The following MRPS28 variants were observed in gnomAD, a reference collection of about 807,000 sequenced individuals.
MRPS28 encodes small ribosomal subunit protein bS1m.
Under a neutral mutation model 10.8 loss-of-function variants are expected in MRPS28, and 7 were observed. The ratio of observed to expected loss-of-function variants is 0.65; its 90% CI spans 0.37 to 1.22. The LOEUF is 1.22. Among genes scored for constraint, MRPS28 ranks in the 50% most tolerant of loss-of-function variants. MRPS28 has a pLI of 0.02. For synonymous variants in MRPS28, 121 were observed against 93.3 expected (o/e 1.30, Z -1.71); for missense variants, 265 against 232.9 (o/e 1.14, Z -0.90).
intron 2 of MRPS28, among the ~76,000 whole-genome samples, chr8:79,978,285 A>C (rs1807854288): frequency 6.6e-6 from 1 of 152,232 alleles, no homozygotes; most frequent in South Asian, 2.1e-4. Flanking sequence ...ATTCTTTTAC[A>C]AAAGATTATT....
At chr8:79,958,782 A>G (rs1398227969) in intron 2 of MRPS28, among the ~76,000 whole-genome samples, 1 of 152,146 alleles carries the variant, frequency 6.6e-6, no homozygotes, top group Non-Finnish European at 1.5e-5. Flanking sequence ...AGTTTTTCTT[A>G]TGTCTTGTGA....
chr8:79,975,142 C>T (rs1807758857), intron 2 of MRPS28, among the ~76,000 whole-genome samples: 2 of 151,928 alleles, frequency 1.3e-5, no homozygotes, highest in East Asian at 1.9e-4. Flanking sequence ...GAAAAATGTA[C>T]AAAAATTAGC....
At chr8:79,934,573 T>G (rs1319567087) in intron 2 of MRPS28, among the ~76,000 whole-genome samples, 1 of 152,240 alleles carries the variant, frequency 6.6e-6, no homozygotes, top group Non-Finnish European at 1.5e-5. Flanking sequence ...TTGTTCTACT[T>G]CAAGTAAACT....
intron 2 of MRPS28, among the ~76,000 whole-genome samples, chr8:79,926,054 C>G (rs1810226822): frequency 1.3e-5 from 2 of 151,114 alleles, no homozygotes; most frequent in South Asian, 2.1e-4. Context: ...AACCCTGTCA[C>G]TTAACTACCA....
At chr8:79,940,597 G>T (rs1253472289) in intron 2 of MRPS28, among the ~76,000 whole-genome samples, 2 of 152,180 alleles carry the variant, frequency 1.3e-5, no homozygotes, top group Non-Finnish European at 2.9e-5. Context: ...ATCTGCAAAG[G>T]TGGCTTGTAG....
At chr8:79,957,393 G>T (rs1278091886) in intron 2 of MRPS28, 1 of 151,874 alleles carries the variant, frequency 6.6e-6, no homozygotes, top group Non-Finnish European at 1.5e-5. Context: ...ATTATAATCT[G>T]GTCATCTCTG....
intron 2 of MRPS28, among the ~76,000 whole-genome samples, chr8:79,966,133 G>A (rs1428923145): frequency 6.6e-6 from 1 of 151,924 alleles, no homozygotes; most frequent in East Asian, 1.9e-4. Flanking sequence ...CTATTATTGA[G>A]TCAGCAGTTT....
intron 2 of MRPS28, among the ~76,000 whole-genome samples, chr8:79,962,406 G>A (rs1807395316): frequency 6.6e-6 from 1 of 152,120 alleles, no homozygotes; most frequent in Non-Finnish European, 1.5e-5. Context: ...TGGGCATCCT[G>A]AGTGCTTTCT....
chr8:79,993,033 T>A (rs904013387), intron 2 of MRPS28, among the ~76,000 whole-genome samples: 9 of 152,206 alleles, frequency 5.9e-5, no homozygotes, highest in African/African-American at 1.9e-4. Flanking sequence ...AGTCTCTAGA[T>A]GTTATCAAGC....
At chr8:79,978,734 ACGCAG>A (rs1807868891) in intron 2 of MRPS28, among the ~76,000 whole-genome samples, 1 of 152,204 alleles carries the variant, frequency 6.6e-6, no homozygotes, top group African/African-American at 2.4e-5. Flanking sequence ...ATAAATAAAT[ACGCAG>A]TTTCCAAGAA....
chr8:79,925,456 A>G (rs1810207713), intron 2 of MRPS28, among the ~76,000 whole-genome samples: 1 of 152,216 alleles, frequency 6.6e-6, no homozygotes, highest in Non-Finnish European at 1.5e-5. Flanking sequence ...CTATGAATAT[A>G]TAATTTTCAA....
chr8:79,986,800 T>C (rs1291853948), intron 2 of MRPS28, among the ~76,000 whole-genome samples: 1 of 151,916 alleles, frequency 6.6e-6, no homozygotes, highest in East Asian at 1.9e-4. Context: ...GGAAGAACAT[T>C]CCATGCTCAT....
At chr8:79,972,553 G>T (rs1360960101) in intron 2 of MRPS28, among the ~76,000 whole-genome samples, 2 of 152,100 alleles carry the variant, frequency 1.3e-5, no homozygotes, top group Non-Finnish European at 2.9e-5. Context: ...AACCACTTGG[G>T]GAACTGCCAA....
chr8:80,008,651 C>T (rs937840653), intron 1 of MRPS28, among the ~76,000 whole-genome samples: 51 of 152,328 alleles, frequency 3.3e-4, no homozygotes, highest in African/African-American at 1.2e-3. Flanking sequence ...GACATTTATG[C>T]AACCAAAAGA....
At chr8:80,008,098 G>T (rs956254716) in intron 1 of MRPS28, among the ~76,000 whole-genome samples, 1 of 152,152 alleles carries the variant, frequency 6.6e-6, no homozygotes, top group Non-Finnish European at 1.5e-5. Flanking sequence ...GAACAGAATG[G>T]AGCCCTCAGA....
intron 1 of MRPS28, among the ~76,000 whole-genome samples, chr8:80,008,756 A>T (rs1345283717): frequency 6.6e-6 from 1 of 152,260 alleles, no homozygotes; most frequent in Non-Finnish European, 1.5e-5. Flanking sequence ...AATGGTGATC[A>T]TTAAAAAGTC....
At chr8:80,016,666 A>C (rs747441410) in intron 1 of MRPS28, among the ~76,000 whole-genome samples, 59 of 152,204 alleles carry the variant, frequency 3.9e-4, no homozygotes, top group Non-Finnish European at 4.4e-4. Context: ...AAAACTTTTA[A>C]GTTTTTAATT....
intron 2 of MRPS28, among the ~76,000 whole-genome samples, chr8:79,920,904 G>C (rs965232130): frequency 6.6e-6 from 1 of 152,140 alleles, no homozygotes; most frequent in Non-Finnish European, 1.5e-5. Context: ...TTTTCTTCTA[G>C]GGTTTTTATG....
chr8:79,968,247 C>G (rs1334076299), intron 2 of MRPS28, among the ~76,000 whole-genome samples: 1 of 152,152 alleles, frequency 6.6e-6, no homozygotes, highest in Non-Finnish European at 1.5e-5. Flanking sequence ...ATAATTTCTA[C>G]TTTAAAGCAA....
Sources: allele counts gnomAD v4.1 joint callset (sites outside exome capture counted in the v4.1 genomes callset), GRCh38; gene constraint gnomAD v4.1.1; transcripts MANE v1.5; gene names NCBI Gene and HGNC (gene_info 2026-07-23, HGNC 2026-07-21).